Variants in UNC13C observed in about 807,000 individuals in gnomAD.
The protein encoded by UNC13C is protein unc-13 homolog C.
Under a neutral mutation model 245.4 loss-of-function variants are expected in UNC13C, and 174 were observed. The ratio of observed to expected loss-of-function variants is 0.71; its 90% CI spans 0.63 to 0.80. UNC13C has a LOEUF of 0.80. Among genes scored for constraint, UNC13C ranks in the 30% least tolerant of loss-of-function variants. UNC13C has a pLI of 0.00. For missense variants in UNC13C, 2,829 were observed against 2,602.9 expected, an observed-to-expected ratio of 1.09 and a Z score of -1.89; for synonymous variants, 992 against 895.1, an observed-to-expected ratio of 1.11 and a Z score of -1.93.
At chr15:54,252,428 A>G (rs1160414051) in intron 8 of UNC13C, among the ~76,000 whole-genome samples, 2 of 152,226 alleles carry the variant, frequency 1.3e-5, no homozygotes, top group Non-Finnish European at 2.9e-5. Flanking sequence ...AATCAAAAAT[A>G]GTGCAGAACA....
chr15:54,569,208 C>G (rs966115173), intron 30 of UNC13C, among the ~76,000 whole-genome samples: 12 of 152,048 alleles, frequency 7.9e-5, no homozygotes, highest in Admixed American at 2.6e-4. Context: ...TACACCCCCC[C>G]CTCCAACACA....
chr15:54,461,707 T>G (rs1318870232), intron 19 of UNC13C, among the ~76,000 whole-genome samples: 4 of 152,154 alleles, frequency 2.6e-5, no homozygotes, highest in Non-Finnish European at 5.9e-5. Context: ...ATAAATAGAC[T>G]GGCTACTCTT....
chr15:54,285,151 G>T (rs925323183), intron 10 of UNC13C, among the ~76,000 whole-genome samples: 1 of 151,682 alleles, frequency 6.6e-6, no homozygotes, highest in Admixed American at 6.6e-5. Context: ...TTCCTTTCTT[G>T]TTCTTATTTT....
the UNC13C span, among the ~76,000 whole-genome samples, chr15:53,904,218 A>G: frequency 6.6e-6 from 1 of 152,196 alleles, no homozygotes; most frequent in Non-Finnish European, 1.5e-5. Context: ...TTTCCATTTC[A>G]GAATAGTACC....
At chr15:54,612,002 T>C (rs1900128128) in intron 30 of UNC13C, among the ~76,000 whole-genome samples, 1 of 152,150 alleles carries the variant, frequency 6.6e-6, no homozygotes, top group Non-Finnish European at 1.5e-5. Flanking sequence ...TCTCATTTAA[T>C]GATTTACTCA....
chr15:54,038,124 A>AAATTTTTTTTTTTTTTTTTTTT (rs1555406259), intron 2 of UNC13C, among the ~76,000 whole-genome samples: 3 of 45,040 alleles, frequency 6.7e-5, no homozygotes, highest in African/African-American at 3.2e-4. Context: ...ATATATATAT[A>AAATTTTTTTTTTTTTTTTTTTT]TTTTTTTTTT....
At chr15:54,613,534 T>G (rs1055452483) in intron 30 of UNC13C, among the ~76,000 whole-genome samples, 4 of 151,876 alleles carry the variant, frequency 2.6e-5, no homozygotes, top group Non-Finnish European at 5.9e-5. Context: ...TTTTCAAATA[T>G]TAACGAATAA....
At chr15:53,909,623 G>C in the UNC13C span, among the ~76,000 whole-genome samples, 51 of 146,868 alleles carry the variant, frequency 3.5e-4, 6 homozygotes, top group Admixed American at 9.1e-4. Context: ...GTGCATGCCT[G>C]TAGTCCCAGC....
At chr15:54,190,090 G>T (rs2034132171) in intron 4 of UNC13C, among the ~76,000 whole-genome samples, 1 of 152,012 alleles carries the variant, frequency 6.6e-6, no homozygotes, top group African/African-American at 2.4e-5. Context: ...AATGGATAAG[G>T]TCACACCTTC....
chr15:53,893,252 G>A, the UNC13C span, among the ~76,000 whole-genome samples: 1 of 152,176 alleles, frequency 6.6e-6, no homozygotes, highest in African/African-American at 2.4e-5. Context: ...GCACCTGCTA[G>A]ATGCCTGCCA....
chr15:54,015,496 G>A lies in UNC13C; in HGVS notation c.2593G>A (p.Glu865Lys). The A allele has an allele frequency of 6.2e-7, 1 of 1,612,858 alleles. No homozygotes were observed. The highest frequency in any genetic ancestry group is 8.5e-7 in the Non-Finnish European group (1 of 1,179,110). Residue 865 changes from glutamate (E) to lysine (K), a missense_variant, in exon 2 of 33, where the codon GAA (glutamate) becomes AAA (lysine). Glu to Lys is a moderately conservative substitution (Grantham distance 56). Coordinates refer to ENST00000260323, the MANE Select transcript of UNC13C (RefSeq NM_001080534.3). ...CTATTACTATAAAGCAGAGGATGAGGAAGATTATACTGAACCAGTGGCTGA... is the reference window on the plus strand; with the variant it reads ...CTATTACTATAAAGCAGAGGATGAGAAAGATTATACTGAACCAGTGGCTGA... Reference protein sequence around the residue: ...EPYYYKAEDEEDYTEPVADNE... With the variant: ...EPYYYKAEDEKDYTEPVADNE...
intron 2 of UNC13C, among the ~76,000 whole-genome samples, chr15:54,089,872 C>T (rs4293321): frequency 0.042 from 6,325 of 152,132 alleles, 220 homozygotes; most frequent in South Asian, 0.14. Context: ...TTCCATGTTC[C>T]CCTGCTGACT....
chr15:54,540,550 TA>T (rs1047283939), intron 26 of UNC13C, among the ~76,000 whole-genome samples: 4 of 152,100 alleles, frequency 2.6e-5, no homozygotes, highest in African/African-American at 9.7e-5. Flanking sequence ...TTATTTAAAA[TA>T]AACAATAGAG....
intron 20 of UNC13C, 32 bp from the exon 21 acceptor site, chr15:54,500,047 T>G: frequency 6.7e-7 from 1 of 1,481,960 alleles, no homozygotes; most frequent in Non-Finnish European, 9.3e-7. Context: ...ATGATGTCCT[T>G]TGTGGTATGT....
In UNC13C at chr15:54,602,724, G is replaced by A. The variant is rs959657195; in HGVS notation, c.6107-19603G>A. On this transcript the variant is annotated intron_variant, in intron 30 of 32. Coordinates refer to ENST00000260323, the MANE Select transcript of UNC13C (RefSeq NM_001080534.3). ...AGTCACCCCAGAAGTTCCTCCATAC[G>A]TCTCATCAGTCACAGCCCCCACCCT... Among the ~76,000 whole-genome samples the A allele has an allele frequency of 5.3e-5, 8 of 152,060 alleles. No homozygotes were observed. The East Asian group carries it at 5.8e-4, about 11-fold the overall frequency.
At chr15:54,286,479 G>A (rs1014509255) in intron 10 of UNC13C, among the ~76,000 whole-genome samples, 1 of 152,002 alleles carries the variant, frequency 6.6e-6, no homozygotes, top group African/African-American at 2.4e-5. Flanking sequence ...TGGTTACTTG[G>A]GCAGGAATTT....
intron 8 of UNC13C, among the ~76,000 whole-genome samples, chr15:54,259,609 A>G (rs1349904133): frequency 2.0e-5 from 3 of 152,242 alleles, no homozygotes; most frequent in East Asian, 3.8e-4. Flanking sequence ...GGGAGCTACA[A>G]TTCAAGATCA....
At chr15:54,302,182 C>T (rs1317197426) in intron 13 of UNC13C, among the ~76,000 whole-genome samples, 1 of 151,860 alleles carries the variant, frequency 6.6e-6, no homozygotes, top group Admixed American at 6.6e-5. Flanking sequence ...TGTAGATTCT[C>T]GATATTAGCC....
rs1204990875 is a variant in UNC13C at position 54,015,864 on chromosome 15, G to A, written c.2961G>A (p.Leu987=). ...LRAYKKQMAE[L]EEKILAGDSS... is the part of the protein sequence containing the mutation. ...CCTATAAAAAGCAAATGGCAGAGTT[G>A]GAAGAGAAGATCTTGGCTGGAGGTA... Residue 987 remains leucine (L), a synonymous_variant, in exon 2 of 33, where the codon TTG becomes TTA. Coordinates refer to ENST00000260323, the MANE Select transcript of UNC13C (RefSeq NM_001080534.3). 1 of 1,594,252 alleles carries A rather than the reference G, an allele frequency of 6.3e-7. No homozygotes were observed. The highest frequency in any genetic ancestry group is 8.5e-7 in the Non-Finnish European group (1 of 1,171,970).
Sources: gnomAD v4.1 joint callset for allele counts (sites outside exome capture counted in the v4.1 genomes callset) on GRCh38, gnomAD v4.1.1 for gene constraint, MANE v1.5 for transcripts, NCBI Gene and HGNC (gene_info 2026-07-23, HGNC 2026-07-21) for gene names.